Variants in CADM2 observed in about 807,000 individuals in gnomAD.
The protein encoded by CADM2 is cell adhesion molecule 2.
Under a neutral mutation model 49.8 loss-of-function variants are expected in CADM2, and 12 were observed. The observed-to-expected ratio is 0.24, with a 90% CI of 0.15 to 0.39. The LOEUF (loss-of-function observed/expected upper bound fraction) is 0.39. Ranked by LOEUF, CADM2 falls within the 10% of genes least tolerant of loss-of-function variation. The pLI is 1.00. For synonymous variants in CADM2, 214 were observed against 175.4 expected (o/e 1.22, Z -1.74); for missense variants, 378 against 492.3 (o/e 0.77, Z 2.20).
chr3:86,072,442 C>T lies in CADM2; in HGVS notation c.*5659C>T, dbSNP rs533177370. 4 of 150,940 alleles carry T rather than the reference C, an allele frequency of 2.7e-5. No homozygotes were observed. The highest frequency in any genetic ancestry group is 1.3e-4 in the Admixed American group (2 of 15,122). 9.4% of individuals were successfully genotyped at this position (150,940 alleles called of 1,614,324 possible). On this transcript the variant is annotated 3_prime_UTR_variant, in exon 10 of 10. Coordinates refer to ENST00000383699, the MANE Select transcript of CADM2 (RefSeq NM_001167675.2). ...AAAAAAAAAACACTATTTTCCCCTA[C>T]GAAATATACTGTATATTTCAAAAGA...
intron 1 of CADM2, among the ~76,000 whole-genome samples, chr3:85,571,136 G>C (rs2062463451): frequency 6.6e-6 from 1 of 152,002 alleles, no homozygotes; most frequent in Admixed American, 6.6e-5. Flanking sequence ...TGTTACTTCT[G>C]TTTCTATCAT....
intron 3 of CADM2, among the ~76,000 whole-genome samples, chr3:85,850,976 G>A (rs1283186642): frequency 1.3e-5 from 2 of 152,064 alleles, no homozygotes; most frequent in Non-Finnish European, 2.9e-5. Flanking sequence ...ATTTTGGGAG[G>A]AAGGGTCTTA....
rs2038602487 is a variant in CADM2, at chr3:85,115,322, G to A, written c.61+155654G>A. Among the ~76,000 whole-genome samples the A allele has an allele frequency of 2.6e-5, 4 of 152,294 alleles. No homozygotes were observed. In the South Asian group the frequency reaches 8.3e-4, roughly 32 times the overall value. ...TGAATTGCTAATTAGAATTATCACT[G>A]TTGCCTCCGTAAGACTGTTCTAATA... On this transcript the variant is annotated intron_variant, in intron 1 of 9. Coordinates refer to ENST00000383699, the MANE Select transcript of CADM2 (RefSeq NM_001167675.2).
At chr3:85,348,728 A>T (rs769435808) in intron 1 of CADM2, among the ~76,000 whole-genome samples, 8 of 152,172 alleles carry the variant, frequency 5.3e-5, no homozygotes, top group Non-Finnish European at 1.2e-4. Context: ...GCAATCTATT[A>T]AAATGTGAGA....
At chr3:85,927,592 A>T (rs1720039987) in intron 6 of CADM2, among the ~76,000 whole-genome samples, 1 of 152,178 alleles carries the variant, frequency 6.6e-6, no homozygotes, top group Non-Finnish European at 1.5e-5. Context: ...TAAAATTATC[A>T]ATATTATAAT....
At chr3:85,682,319 C>T (rs926809719) in intron 1 of CADM2, among the ~76,000 whole-genome samples, 1 of 152,060 alleles carries the variant, frequency 6.6e-6, no homozygotes, top group African/African-American at 2.4e-5. Flanking sequence ...TATCCCATCT[C>T]TAAATTATAT....
Position 85,568,473 on chromosome 3 carries a change from C to CTCTCTTTTTCTTTCTTTCTTTCTTTCTT in CADM2, c.62-158046_62-158045insCTTTTTCTTTCTTTCTTTCTTTCTTTCT, listed in dbSNP as rs1310030589. 7.2e-5 allele frequency among the ~76,000 whole-genome samples: 2 copies of CTCTCTTTTTCTTTCTTTCTTTCTTTCTT among 27,612 alleles called. 1 individual carries two copies. The allele number at this position is 27,612 out of a possible 152,430, so 18.1% of individuals were successfully genotyped here. On this transcript the variant is annotated intron_variant, in intron 1 of 9. Coordinates refer to ENST00000383699, the MANE Select transcript of CADM2 (RefSeq NM_001167675.2). ...TTTCTTTCTTTCTTTCTCTTTCTCT[C>CTCTCTTTTTCTTTCTTTCTTTCTTTCTT]TCTTTCTTTCTTTCTTTCTTTCTTT...
chr3:85,539,278 G>A (rs1290714725), intron 1 of CADM2, among the ~76,000 whole-genome samples: 3 of 151,828 alleles, frequency 2.0e-5, no homozygotes, highest in Admixed American at 6.6e-5. Context: ...TTTCTCAAGA[G>A]TTCAAAGTGT....
chr3:86,000,244 C>A (rs1234916697), intron 8 of CADM2, among the ~76,000 whole-genome samples: 1 of 151,958 alleles, frequency 6.6e-6, no homozygotes, highest in Non-Finnish European at 1.5e-5. Context: ...GGATTGTTTT[C>A]TAAAAAGGAT....
intron 1 of CADM2, among the ~76,000 whole-genome samples, chr3:84,978,034 AATAC>A (rs1210885171): frequency 2.0e-5 from 3 of 152,146 alleles, no homozygotes; most frequent in Non-Finnish European, 4.4e-5. Context: ...AAACATACAA[AATAC>A]ATAGAGTAAA....
At chr3:85,669,031 A>C (rs1458377782) in intron 1 of CADM2, among the ~76,000 whole-genome samples, 1 of 152,046 alleles carries the variant, frequency 6.6e-6, no homozygotes, top group Non-Finnish European at 1.5e-5. Context: ...ATAAAATGTA[A>C]ATGTGGCTAA....
chr3:85,582,314 T>A (rs1261614872), intron 1 of CADM2, among the ~76,000 whole-genome samples: 1 of 152,130 alleles, frequency 6.6e-6, no homozygotes, highest in Non-Finnish European at 1.5e-5. Flanking sequence ...AAAGTAACAA[T>A]AAGCCAGAAA....
At chr3:85,670,868 T>C (rs1326255430) in intron 1 of CADM2, among the ~76,000 whole-genome samples, 1 of 152,176 alleles carries the variant, frequency 6.6e-6, no homozygotes, top group Non-Finnish European at 1.5e-5. Context: ...TCTTTCTGTA[T>C]TTTTACTCTG....
intron 1 of CADM2, among the ~76,000 whole-genome samples, chr3:85,356,039 C>T (rs970413640): frequency 4.6e-5 from 7 of 152,020 alleles, no homozygotes; most frequent in Non-Finnish European, 7.4e-5. Flanking sequence ...TTCATTCAAA[C>T]GAATACTACT....
At chr3:85,498,807 A>G (rs571212886) in intron 1 of CADM2, among the ~76,000 whole-genome samples, 7 of 152,170 alleles carry the variant, frequency 4.6e-5, no homozygotes, top group Non-Finnish European at 8.8e-5. Flanking sequence ...CTTTGTATTT[A>G]CTAATTCAGT....
At chr3:85,115,973 G>T (rs13086082) in intron 1 of CADM2, among the ~76,000 whole-genome samples, 3 of 152,196 alleles carry the variant, frequency 2.0e-5, no homozygotes, top group African/African-American at 7.2e-5. Flanking sequence ...ACACATTCAT[G>T]ATTTTATCTT....
chr3:85,175,772 TA>T (rs1419807143), intron 1 of CADM2, among the ~76,000 whole-genome samples: 25 of 152,008 alleles, frequency 1.6e-4, no homozygotes, highest in Admixed American at 6.6e-5. Flanking sequence ...TTTACCACAA[TA>T]AAAAATAGAT....
intron 6 of CADM2, among the ~76,000 whole-genome samples, chr3:85,921,343 C>A (rs1380008663): frequency 6.6e-6 from 1 of 151,842 alleles, no homozygotes; most frequent in Non-Finnish European, 1.5e-5. Flanking sequence ...GACATACACA[C>A]AATTTCCATG....
At chr3:85,152,073 T>C (rs909281256) in intron 1 of CADM2, among the ~76,000 whole-genome samples, 11 of 152,128 alleles carry the variant, frequency 7.2e-5, no homozygotes, top group African/African-American at 2.2e-4. Flanking sequence ...CTTCAAGTGA[T>C]TTCTGTCTCA....
Sources: gnomAD v4.1 joint callset for allele counts (sites outside exome capture counted in the v4.1 genomes callset) on GRCh38, gnomAD v4.1.1 for gene constraint, MANE v1.5 for transcripts, NCBI Gene and HGNC (gene_info 2026-07-23, HGNC 2026-07-21) for gene names.